COMTD1: variants seen among roughly 807,000 people sequenced by gnomAD.
COMTD1 encodes the protein catechol O-methyltransferase domain-containing protein 1.
A neutral mutation model predicts 33.6 loss-of-function variants in COMTD1; 35 were observed. The observed-to-expected ratio is 1.04, with a 90% CI of 0.80 to 1.38. The LOEUF (loss-of-function observed/expected upper bound fraction) is 1.38. COMTD1 is among the 40% of genes most tolerant of loss of function. The pLI, the probability that COMTD1 is intolerant of heterozygous loss-of-function variation, is 0.00. For missense variants in COMTD1, 370 were observed against 363.4 expected (o/e 1.02, Z -0.15); for synonymous variants, 160 against 176.8 (o/e 0.91, Z 0.75).
intron 2 of COMTD1, 60 bp from the exon 3 acceptor site, chr10:75,235,432 C>A: frequency 2.9e-6 from 4 of 1,371,688 alleles, no homozygotes; most frequent in Non-Finnish European, 3.9e-6. Context: ...CCCTGGGGGT[C>A]CCAAGCCCCA....
At chr10:75,235,460 G>A (rs1842177574) in intron 2 of COMTD1, 88 bp from the exon 3 acceptor site, 1 of 1,339,704 alleles carries the variant, frequency 7.5e-7, no homozygotes, top group Non-Finnish European at 9.9e-7. Context: ...GGTTCTGGGC[G>A]TGGCCTGGGG....
chr10:75,234,340 G>T, intron 6 of COMTD1, 115 bp from the exon 7 acceptor site: 1 of 1,212,576 alleles, frequency 8.2e-7, no homozygotes, highest in Non-Finnish European at 1.1e-6. Context: ...GGGTCTTGGA[G>T]GGAGGTGCCC....
In COMTD1 at chr10:75,235,335, G is replaced by A; in HGVS notation, c.260C>T (p.Thr87Ile). Reference sequence around the variant, plus strand: ...GGCCAAGAGCTGGGCCTGCTCGCAGGTCATCATAGAATCCCCCTGCGGCTG... The same window carrying A: ...GGCCAAGAGCTGGGCCTGCTCGCAGATCATCATAGAATCCCCCTGCGGCTG... ...LEQPQGDSMM[T>I]CEQAQLLANL... The change falls in exon 3 of 7, where the codon ACC (threonine) becomes ATC (isoleucine). Residue 87 changes from threonine (T) to isoleucine (I), a missense_variant. Physicochemically the swap from Thr to Ile is moderately conservative, Grantham distance 89. Transcript: ENST00000372538. 6.3e-7 allele frequency: 1 copy of A among 1,593,840 alleles called. No individual in the cohort carries two copies. The highest frequency in any genetic ancestry group is 8.5e-7 in the Non-Finnish European group (1 of 1,172,976).
At chr10:75,234,520 T>A in intron 6 of COMTD1, 90 bp downstream of exon 6, 1 of 1,471,588 alleles carries the variant, frequency 6.8e-7, no homozygotes, top group Non-Finnish European at 9.1e-7. Flanking sequence ...CTGGACTGGG[T>A]GGGGCTTTGG....
chr10:75,235,797 G>GCCCCCCCCCCCCCCCCC, intron 1 of COMTD1, 38 bp downstream of exon 1: 1 of 1,538,634 alleles, frequency 6.5e-7, no homozygotes, highest in Non-Finnish European at 8.8e-7. Context: ...CCTACTCTGC[G>GCCCCCCCCCCCCCCCCC]CCCGCCCACC....
intron 6 of COMTD1, 138 bp downstream of exon 6, chr10:75,234,472 C>G (rs1842158224): frequency 7.5e-7 from 1 of 1,331,868 alleles, no homozygotes. Flanking sequence ...AGCCTGGGTA[C>G]CGGGGCCGGA....
chr10:75,233,860 GGC>G lies in COMTD1; in HGVS notation c.*211_*212del, dbSNP rs1842145963. The G allele has an allele frequency of 7.6e-7, 1 of 1,309,602 alleles. No individual in the cohort carries two copies. Among genetic ancestry groups the G allele is most frequent in the East Asian group, 2.6e-5 (1 of 38,432 alleles). The allele number at this position is 1,309,602 out of a possible 1,614,324, so 81.1% of individuals were successfully genotyped here. A position where few individuals can be genotyped will look rare whatever the true frequency, so the allele number is the denominator to read the frequency against. On this transcript the variant is annotated 3_prime_UTR_variant, in exon 7 of 7. Coordinates refer to ENST00000372538, the MANE Select transcript of COMTD1 (RefSeq NM_144589.4). Reference sequence around the variant, plus strand: ...GTTCCTGCAGTTGGGCCACAGACCTGGCGCCAGGGAGGGGACGAATCTCAAGG... The same window carrying G: ...GTTCCTGCAGTTGGGCCACAGACCTGGCCAGGGAGGGGACGAATCTCAAGG...
chr10:75,235,200 G>C, intron 3 of COMTD1, 22 bp from the exon 4 acceptor site: 3 of 1,444,324 alleles, frequency 2.1e-6, no homozygotes, highest in Non-Finnish European at 2.7e-6. Flanking sequence ...ACACAGACGG[G>C]CTCAGCCCAG....
chr10:75,235,312 C>T lies in COMTD1; in HGVS notation c.283G>A (p.Ala95Thr). Residue 95 changes from alanine to threonine, a missense_variant, in exon 3 of 7, where the codon GCC becomes ACC. Physicochemically the swap from Ala to Thr is moderately conservative, Grantham distance 58 (BLOSUM62 0). Transcript: ENST00000372538. ...GCCTGGATGAGCCGCGCCAGGTTGG[C>T]CAAGAGCTGGGCCTGCTCGCAGGTC... is the stretch of plus-strand genomic sequence containing the variant. ...MMTCEQAQLL[A>T]NLARLIQAKK... The T allele has an allele frequency of 6.3e-7, 1 of 1,593,126 alleles. No individual in the cohort carries two copies. Among genetic ancestry groups the T allele is most frequent in the Non-Finnish European group, 8.5e-7 (1 of 1,172,782 alleles).
rs1199417792 is a variant in COMTD1 at position 75,233,677 on chromosome 10, A to G, written c.*396T>C. Among the ~76,000 whole-genome samples the G allele has an allele frequency of 6.6e-6, 1 of 152,210 alleles. No homozygotes were observed. The highest frequency in any genetic ancestry group is 1.5e-5 in the Non-Finnish European group (1 of 68,042). ...CCTCTTTCATGTTGTCAGACACCAGACGTGGCTCTCTACCAGTCCCAGCTG... is the reference window on the plus strand; with the variant it reads ...CCTCTTTCATGTTGTCAGACACCAGGCGTGGCTCTCTACCAGTCCCAGCTG... On this transcript the variant is annotated 3_prime_UTR_variant, in exon 7 of 7. Coordinates refer to ENST00000372538, the MANE Select transcript of COMTD1 (RefSeq NM_144589.4).
chr10:75,235,584 G>A, intron 2 of COMTD1, 32 bp downstream of exon 2: 2 of 1,558,762 alleles, frequency 1.3e-6, no homozygotes, highest in Non-Finnish European at 1.7e-6. Flanking sequence ...GGGTCGAGAG[G>A]GACGCCCGTT....
chr10:75,234,225 C>T lies in COMTD1; in HGVS notation c.637G>A (p.Val213Ile). Reference sequence around the variant, plus strand: ...TGCAGCACCTTCCCGCGCCACAGGACCTGCGGGAGGGCGGGGCCAACCGGG... The same window carrying T: ...TGCAGCACCTTCCCGCGCCACAGGATCTGCGGGAGGGCGGGGCCAACCGGG... Reference protein sequence around the residue: ...RPGGILAVLRVLWRGKVLQPP... With the variant: ...RPGGILAVLRILWRGKVLQPP... Residue 213 changes from valine to isoleucine, a missense_variant and splice_region_variant, in exon 7 of 7, where the codon GTC becomes ATC. Physicochemically the swap from Val to Ile is conservative, Grantham distance 29. Coordinates refer to ENST00000372538, the MANE Select transcript of COMTD1 (RefSeq NM_144589.4). 1 of 1,609,366 alleles carries T rather than the reference C, an allele frequency of 6.2e-7. No homozygotes were observed. The highest frequency in any genetic ancestry group is 8.5e-7 in the Non-Finnish European group (1 of 1,178,848).
intron 1 of COMTD1, 38 bp downstream of exon 1, chr10:75,235,797 G>GGGGGGCCCCCCC: frequency 2.6e-6 from 4 of 1,538,630 alleles, no homozygotes; most frequent in Non-Finnish European, 3.5e-6. Context: ...CCTACTCTGC[G>GGGGGGCCCCCCC]CCCGCCCACC....
intron 2 of COMTD1, 52 bp from the exon 3 acceptor site, chr10:75,235,424 C>A: frequency 1.4e-6 from 2 of 1,408,616 alleles, no homozygotes; most frequent in Non-Finnish European, 9.5e-7. Flanking sequence ...CACCTTCGCC[C>A]TGGGGGTCCC....
rs905861779 is a variant in COMTD1 at position 75,235,077 on chromosome 10, G to A, written c.430C>T (p.Arg144Trp). The change falls in exon 4 of 7, where the codon CGG (arginine) becomes TGG (tryptophan). Residue 144 changes from arginine to tryptophan, a missense_variant. Transcript: ENST00000372538. Reference protein sequence around the residue: ...EVDAQPPELGRPLWRQAEAEH... With the variant: ...EVDAQPPELGWPLWRQAEAEH... ...GCGCTCACCTGCCTCCACAGGGGCC[G>A]TCCCAGCTCCGGGGGCTGCGCGTCC... 4.4e-5 allele frequency: 63 copies of A among 1,421,104 alleles called. No homozygotes were observed. The highest frequency in any genetic ancestry group is 5.5e-5 in the Non-Finnish European group (60 of 1,092,358). The allele number at this position is 1,421,104 out of a possible 1,614,324, so 88.0% of individuals were successfully genotyped here. A position where few individuals can be genotyped will look rare whatever the true frequency, so the allele number is the denominator to read the frequency against.
At position 75,233,985 on chromosome 10, in the gene COMTD1, C is replaced by T; in HGVS notation, c.*88G>A. 1 of 1,606,334 alleles carries T rather than the reference C, an allele frequency of 6.2e-7. No homozygotes were observed. The highest frequency in any genetic ancestry group is 8.5e-7 in the Non-Finnish European group (1 of 1,178,852). The stretch of plus-strand genomic sequence containing the variant: ...GGCTCAGGAGGTCGTGTGTCCCAGC[C>T]CCACTTTATTTTCGAATTTAAAACT... On this transcript the variant is annotated 3_prime_UTR_variant, in exon 7 of 7. Transcript: ENST00000372538.
In COMTD1 at chr10:75,235,760, G is replaced by T; in HGVS notation, c.95-17C>A. On this transcript the variant is annotated splice_polypyrimidine_tract_variant and intron_variant, in intron 1 of 6. Transcript: ENST00000372538. ...ACCGCCTCCCTGACGGGGAGAGGGT[G>T]TTGGATTAACCTGAGCCACGCCGCG... 6.3e-7 allele frequency: 1 copy of T among 1,592,460 alleles called. No homozygotes were observed.
chr10:75,235,797 G>GGGGGCCCCCCCCC, intron 1 of COMTD1, 38 bp downstream of exon 1: 1 of 1,538,656 alleles, frequency 6.5e-7, no homozygotes, highest in Non-Finnish European at 8.8e-7. Context: ...CCTACTCTGC[G>GGGGGCCCCCCCCC]CCCGCCCACC....
rs1842170596 is a variant in COMTD1 at position 75,235,119 on chromosome 10, C to CGCGCCCGTCCGCGGGCA, written c.371_387dup (p.Val130CysfsTer8). The CGCGCCCGTCCGCGGGCA allele has an allele frequency of 7.1e-7, 1 of 1,403,378 alleles. No homozygotes were observed. The highest frequency in any genetic ancestry group is 1.5e-5 in the African/African-American group (1 of 65,458). 86.9% of individuals were successfully genotyped at this position (1,403,378 alleles called of 1,614,324 possible). ...TGCGCGTCCACCTCGCAGGTCACCA[C>CGCGCCCGTCCGCGGGCA]GCGCCCGTCCGCGGGCAGCGCCAGG... On this transcript the variant is annotated frameshift_variant, in exon 4 of 7. Coordinates refer to ENST00000372538, the MANE Select transcript of COMTD1 (RefSeq NM_144589.4). LOFTEE classifies it high-confidence loss of function.
Sources: allele counts gnomAD v4.1 joint callset (sites outside exome capture counted in the v4.1 genomes callset), GRCh38; gene constraint gnomAD v4.1.1; transcripts MANE v1.5; gene names NCBI Gene and HGNC (gene_info 2026-07-23, HGNC 2026-07-21).